The following AKAP7 variants were observed in gnomAD, a reference collection of about 807,000 sequenced individuals.
The protein encoded by AKAP7 is A kinase (PRKA) anchor protein 7.
AKAP7 carries 39 observed loss-of-function variants against 39.5 expected under a neutral mutation model. The observed-to-expected ratio is 0.99, with a 90% CI of 0.76 to 1.29. AKAP7 has a LOEUF of 1.29. Ranked by LOEUF, AKAP7 falls within the 50% of genes most tolerant of loss-of-function variation. AKAP7 has a pLI of 0.00. For synonymous variants in AKAP7, 140 were observed against 139.1 expected, an observed-to-expected ratio of 1.01 and a Z score of -0.05; for missense variants, 414 against 407.7, an observed-to-expected ratio of 1.02 and a Z score of -0.13.
chr6:131,184,242 G>A (rs1186687318), intron 5 of AKAP7: 1 of 433,846 alleles, frequency 2.3e-6, no homozygotes, highest in Non-Finnish European at 4.5e-6. Context: ...AGGAGAGGAG[G>A]AGGAAGGGAA....
At chr6:131,150,873 T>C (rs996094664) in intron 2 of AKAP7, among the ~76,000 whole-genome samples, 15 of 152,334 alleles carry the variant, frequency 9.8e-5, no homozygotes, top group Admixed American at 2.0e-4. Context: ...AAAACGTAAC[T>C]AGCCTCAGTA....
chr6:131,175,069 G>A (rs1034670638), intron 5 of AKAP7, among the ~76,000 whole-genome samples: 6 of 152,044 alleles, frequency 3.9e-5, no homozygotes, highest in African/African-American at 1.2e-4. Flanking sequence ...ATATTCTTAC[G>A]ATAAATAATT....
At chr6:131,188,101 CT>C (rs1415427362) in intron 5 of AKAP7, among the ~76,000 whole-genome samples, 1 of 152,140 alleles carries the variant, frequency 6.6e-6, no homozygotes, top group Admixed American at 6.5e-5. Context: ...TAAAGATGTG[CT>C]TTTAAGAATG....
At chr6:131,202,469 A>G (rs2128283697) in intron 6 of AKAP7, among the ~76,000 whole-genome samples, 1 of 151,516 alleles carries the variant, frequency 6.6e-6, no homozygotes, top group African/African-American at 2.4e-5. Context: ...AGGGACATGG[A>G]TGAAATTGGA....
At chr6:131,247,577 C>G (rs965401894) in intron 7 of AKAP7, among the ~76,000 whole-genome samples, 1 of 151,680 alleles carries the variant, frequency 6.6e-6, no homozygotes, top group Non-Finnish European at 1.5e-5. Context: ...ACCTTGGCCT[C>G]CTGAAGTGCT....
intron 5 of AKAP7, among the ~76,000 whole-genome samples, chr6:131,187,740 G>T (rs572240391): frequency 6.6e-6 from 1 of 152,242 alleles, no homozygotes; most frequent in Non-Finnish European, 1.5e-5. Context: ...ACACATAAAA[G>T]TTTACTTGAA....
At chr6:131,252,599 G>A (rs535112032) in intron 7 of AKAP7, among the ~76,000 whole-genome samples, 2 of 152,306 alleles carry the variant, frequency 1.3e-5, no homozygotes, top group South Asian at 4.1e-4. Context: ...CTGGTAATAA[G>A]TGCCTAACAG....
intron 7 of AKAP7, chr6:131,252,974 A>T: frequency 1.3e-6 from 2 of 1,548,846 alleles, no homozygotes; most frequent in Non-Finnish European, 1.8e-6. Flanking sequence ...AGCCCAAATT[A>T]TGGAGAATTT....
chr6:131,152,986 T>C (rs995555815), intron 2 of AKAP7, among the ~76,000 whole-genome samples: 2 of 151,824 alleles, frequency 1.3e-5, no homozygotes, highest in Admixed American at 6.6e-5. Flanking sequence ...AAAAATTAGC[T>C]GGGCATGGTG....
intron 1 of AKAP7, 30 bp from the exon 2 acceptor site, chr6:131,145,255 C>T (rs1362697238): frequency 7.5e-7 from 1 of 1,336,814 alleles, no homozygotes; most frequent in South Asian, 1.9e-5. Context: ...GTTAAATAAT[C>T]CTTTTTTTTC....
At chr6:131,276,458 G>A (rs1416097089) in intron 7 of AKAP7, among the ~76,000 whole-genome samples, 1 of 152,030 alleles carries the variant, frequency 6.6e-6, no homozygotes, top group African/African-American at 2.4e-5. Flanking sequence ...AGTGTGCAAG[G>A]CAGCCGAGTA....
chr6:131,265,136 TTTTC>T (rs1443781582), intron 7 of AKAP7, among the ~76,000 whole-genome samples: 5 of 152,212 alleles, frequency 3.3e-5, no homozygotes, highest in Admixed American at 2.0e-4. Context: ...CTTTGTATTA[TTTTC>T]TTTCTTTTTT....
intron 6 of AKAP7, among the ~76,000 whole-genome samples, chr6:131,214,406 G>A (rs1808954427): frequency 6.6e-6 from 1 of 152,110 alleles, no homozygotes; most frequent in South Asian, 2.1e-4. Context: ...TAGGGAGATG[G>A]CGTGCCTAAA....
intron 7 of AKAP7, among the ~76,000 whole-genome samples, chr6:131,240,068 C>T (rs988104892): frequency 1.1e-3 from 160 of 152,272 alleles, no homozygotes; most frequent in African/African-American, 3.7e-3. Flanking sequence ...ATGATGGTGA[C>T]GTACAGATGG....
upstream of AKAP7, among the ~76,000 whole-genome samples, chr6:131,132,409 C>T (rs1456133161): frequency 6.6e-6 from 1 of 152,084 alleles, no homozygotes; most frequent in Non-Finnish European, 1.5e-5. Flanking sequence ...GGTTCACCTG[C>T]AGCACGACTC....
Position 131,135,513 on chromosome 6 carries a change from TGCGGCTGCC to T in AKAP7, c.-248_-240del, listed in dbSNP as rs1301311044. ...CCTGGCATGCGGGTGCTGCGGCTGC[TGCGGCTGCC>T]GCCGCCGCTGCTGCCGCTGCCGCGG... On this transcript the variant is annotated 5_prime_UTR_variant, in exon 1 of 8. Transcript: ENST00000431975. 1.3e-5 allele frequency among the ~76,000 whole-genome samples: 2 copies of T among 148,596 alleles called. No homozygotes were observed. Among genetic ancestry groups the T allele is most frequent in the African/African-American group, 2.5e-5 (1 of 39,864 alleles).
rs530821617 is a variant in AKAP7, at chr6:131,152,855, G to A, written c.152-7204G>A. Among the ~76,000 whole-genome samples the A allele has an allele frequency of 7.4e-5, 11 of 149,074 alleles. No individual in the cohort carries two copies. The South Asian group carries it at 1.9e-3, about 26-fold the overall frequency. On this transcript the variant is annotated intron_variant, in intron 2 of 7. Coordinates refer to ENST00000431975, the MANE Select transcript of AKAP7 (RefSeq NM_016377.4). ...AAAAAAAAAAAAAAAAAGTCCGGGCGCGCTGGCTCACGCCGGTAATCCCAG... is the reference window on the plus strand; with the variant it reads ...AAAAAAAAAAAAAAAAAGTCCGGGCACGCTGGCTCACGCCGGTAATCCCAG...
chr6:131,155,540 C>G (rs1802343865), intron 2 of AKAP7, among the ~76,000 whole-genome samples: 1 of 152,162 alleles, frequency 6.6e-6, no homozygotes, highest in African/African-American at 2.4e-5. Context: ...GATATTCTAA[C>G]TATCTTTTTG....
chr6:131,242,135 T>G, intron 7 of AKAP7: 4 of 984,600 alleles, frequency 4.1e-6, no homozygotes, highest in Non-Finnish European at 4.8e-6. Flanking sequence ...GTTTGTCAAT[T>G]CATGAATTGT....
Sources: allele counts gnomAD v4.1 joint callset (sites outside exome capture counted in the v4.1 genomes callset), GRCh38; gene constraint gnomAD v4.1.1; transcripts MANE v1.5; gene names NCBI Gene and HGNC (gene_info 2026-07-23, HGNC 2026-07-21).